ELMO1: variants seen among roughly 807,000 people sequenced by gnomAD.
ELMO1 encodes the protein engulfment and cell motility 1, also known as engulfment and cell motility protein 1.
A neutral mutation model predicts 98.9 loss-of-function variants in ELMO1; 26 were observed. That is an observed-to-expected ratio of 0.26 (90% CI 0.19 to 0.36). The LOEUF (loss-of-function observed/expected upper bound fraction) is 0.36, where lower values mean the gene tolerates loss of function less well. Among genes scored for constraint, ELMO1 ranks in the 10% least tolerant of loss-of-function variants. The pLI is 1.00. For synonymous variants in ELMO1, 346 were observed against 346.0 expected, an observed-to-expected ratio of 1.00 and a Z score of 0.00; for missense variants, 627 against 935.2, an observed-to-expected ratio of 0.67 and a Z score of 4.30.
Position 37,265,378 on chromosome 7 carries a change from A to G in ELMO1, c.244-6028T>C, listed in dbSNP as rs117605926. Among the ~76,000 whole-genome samples, 16 of 152,162 alleles carry G rather than the reference A, an allele frequency of 1.1e-4. No homozygotes were observed. The East Asian group carries it at 2.5e-3, about 24-fold the overall frequency. On this transcript the variant is annotated intron_variant, in intron 5 of 21. Coordinates refer to ENST00000310758, the MANE Select transcript of ELMO1 (RefSeq NM_014800.11). ...ACATTTCCAGCTGCAAAAATCTCTA[A>G]TATCTCCCATCTTTAAAAAAAATAA...
Position 37,075,292 on chromosome 7 carries a change from G to A in ELMO1, c.1300+21327C>T, listed in dbSNP as rs567083783. The stretch of plus-strand genomic sequence containing the variant: ...CTCCCAAGTAGCTGGGACTACAGGC[G>A]CCCGCCACCACACCCGGCTAATTTT... On this transcript the variant is annotated intron_variant, in intron 15 of 21. Coordinates refer to ENST00000310758, the MANE Select transcript of ELMO1 (RefSeq NM_014800.11). 9.8e-4 allele frequency among the ~76,000 whole-genome samples: 148 copies of A among 151,176 alleles called. No individual in the cohort carries two copies. The Middle Eastern group carries it at 0.021, about 21-fold the overall frequency.
intron 15 of ELMO1, among the ~76,000 whole-genome samples, chr7:37,087,478 A>G (rs1783851552): frequency 6.6e-6 from 1 of 152,052 alleles, no homozygotes; most frequent in Non-Finnish European, 1.5e-5. Context: ...CTAGTCCATC[A>G]TCTTTAATGA....
At chr7:36,883,185 A>C (rs899067245) in intron 18 of ELMO1, among the ~76,000 whole-genome samples, 3 of 152,186 alleles carry the variant, frequency 2.0e-5, no homozygotes, top group Non-Finnish European at 4.4e-5. Context: ...TAAGCCTGTC[A>C]TGTCAGCACT....
At chr7:37,280,188 T>G (rs1286021123) in intron 4 of ELMO1, among the ~76,000 whole-genome samples, 1 of 152,200 alleles carries the variant, frequency 6.6e-6, no homozygotes, top group Admixed American at 6.5e-5. Context: ...TCTCACCTTT[T>G]ACAAAAATCA....
At chr7:37,092,741 T>A (rs563214180) in intron 15 of ELMO1, among the ~76,000 whole-genome samples, 19 of 152,160 alleles carry the variant, frequency 1.2e-4, no homozygotes, top group African/African-American at 4.3e-4. Flanking sequence ...ACCAACTGCG[T>A]GCAGCACAGT....
intron 10 of ELMO1, among the ~76,000 whole-genome samples, chr7:37,221,452 T>C (rs947603147): frequency 6.6e-6 from 1 of 152,182 alleles, no homozygotes; most frequent in Non-Finnish European, 1.5e-5. Context: ...AGAGCTCATA[T>C]TCCCACCCAC....
At chr7:37,081,826 CA>C (rs946690008) in intron 15 of ELMO1, among the ~76,000 whole-genome samples, 1 of 151,644 alleles carries the variant, frequency 6.6e-6, no homozygotes, top group African/African-American at 2.4e-5. Flanking sequence ...AAAACAAAAA[CA>C]AAAAAAATAA....
At chr7:37,120,154 G>A (rs1204521019) in intron 14 of ELMO1, among the ~76,000 whole-genome samples, 1 of 152,106 alleles carries the variant, frequency 6.6e-6, no homozygotes, top group Non-Finnish European at 1.5e-5. Flanking sequence ...AAATATTTGG[G>A]GTCCAGGTTC....
chr7:37,346,780 T>G (rs1446754858), intron 1 of ELMO1, among the ~76,000 whole-genome samples: 1 of 152,224 alleles, frequency 6.6e-6, no homozygotes, highest in Admixed American at 6.5e-5. Context: ...TGCCCCCACC[T>G]CTACATAAAA....
At chr7:37,025,171 G>T (rs900258787) in intron 15 of ELMO1, among the ~76,000 whole-genome samples, 1 of 152,188 alleles carries the variant, frequency 6.6e-6, no homozygotes, top group Non-Finnish European at 1.5e-5. Context: ...TACTGGAGCT[G>T]CTTTTAGGTC....
At chr7:37,041,037 G>A (rs1365140226) in intron 15 of ELMO1, among the ~76,000 whole-genome samples, 3 of 152,122 alleles carry the variant, frequency 2.0e-5, no homozygotes, top group Admixed American at 6.5e-5. Flanking sequence ...CCGAGATCAT[G>A]CCACTGCACT....
intron 1 of ELMO1, among the ~76,000 whole-genome samples, chr7:37,362,678 A>G (rs751051745): frequency 4.6e-5 from 7 of 152,100 alleles, no homozygotes; most frequent in Non-Finnish European, 8.8e-5. Flanking sequence ...TCTCACAAGC[A>G]TCTCAAATTT....
At chr7:37,173,986 A>T (rs1240646984) in intron 13 of ELMO1, among the ~76,000 whole-genome samples, 3 of 152,132 alleles carry the variant, frequency 2.0e-5, no homozygotes, top group African/African-American at 7.2e-5. Context: ...CCTGAATAAT[A>T]CCTTAGTGAT....
intron 16 of ELMO1, among the ~76,000 whole-genome samples, chr7:37,004,827 T>C (rs148539269): frequency 4.1e-4 from 63 of 152,214 alleles, no homozygotes; most frequent in Non-Finnish European, 8.1e-4. Flanking sequence ...GAAAATTACA[T>C]GGGCCGGGCG....
intron 13 of ELMO1, among the ~76,000 whole-genome samples, chr7:37,210,882 A>C (rs1031544538): frequency 1.1e-4 from 16 of 152,360 alleles, no homozygotes; most frequent in African/African-American, 3.8e-4. Context: ...GCAAACTAAA[A>C]AAAAAATCTA....
At chr7:37,014,276 TACCACTCG>T (rs1793763694) in intron 15 of ELMO1, among the ~76,000 whole-genome samples, 1 of 152,096 alleles carries the variant, frequency 6.6e-6, no homozygotes, top group African/African-American at 2.4e-5. Context: ...CAGTTCCTCT[TACCACTCG>T]TATCTTATGG....
At chr7:37,115,449 A>G (rs868851702) in intron 14 of ELMO1, among the ~76,000 whole-genome samples, 1 of 152,320 alleles carries the variant, frequency 6.6e-6, no homozygotes, top group South Asian at 2.1e-4. Flanking sequence ...AACATTCAAA[A>G]ATCAGTTAAT....
chr7:37,063,110 T>A (rs752677), intron 15 of ELMO1, among the ~76,000 whole-genome samples: 26,180 of 152,134 alleles, frequency 0.17, 2,875 homozygotes, highest in Non-Finnish European at 0.23. Context: ...GAATGCCAGT[T>A]CTCTTAGGAT....
intron 13 of ELMO1, among the ~76,000 whole-genome samples, chr7:37,175,850 G>C (rs1790470948): frequency 6.6e-6 from 1 of 150,790 alleles, no homozygotes; most frequent in Non-Finnish European, 1.5e-5. Context: ...CTGTCTCAAA[G>C]AAAAAACAAA....
Sources: allele counts gnomAD v4.1 joint callset (sites outside exome capture counted in the v4.1 genomes callset), GRCh38; gene constraint gnomAD v4.1.1; transcripts MANE v1.5; gene names NCBI Gene and HGNC (gene_info 2026-07-23, HGNC 2026-07-21).